Variants in ZNF433 observed in about 807,000 individuals in gnomAD.
ZNF433 encodes zinc finger protein 433.
In ZNF433, 12 loss-of-function variants were observed where a neutral mutation model predicts 10.6. That is an observed-to-expected ratio of 1.13 (90% CI 0.72 to 1.83). The LOEUF is 1.83. Among genes scored for constraint, ZNF433 ranks in the 40% most tolerant of loss-of-function variants. The pLI, the probability that ZNF433 is intolerant of heterozygous loss-of-function variation, is 0.00. For missense variants in ZNF433, 737 were observed against 798.0 expected (o/e 0.92, Z 0.92); for synonymous variants, 272 against 271.3 (o/e 1.00, Z -0.02).
intron 1 of ZNF433, chr19:12,024,287 C>G (rs191019379): frequency 1.3e-5 from 2 of 152,310 alleles, no homozygotes; most frequent in African/African-American, 4.8e-5. Context: ...AAAAAATTGG[C>G]CTTTAATTGT....
Position 12,015,028 on chromosome 19 carries a change from A to G in ZNF433, c.1830T>C (p.Thr610=), listed in dbSNP as rs1568326114. 1.9e-6 allele frequency: 3 copies of G among 1,614,064 alleles called. No individual in the cohort carries two copies. Among genetic ancestry groups the G allele is most frequent in the Non-Finnish European group, 2.5e-6 (3 of 1,179,992 alleles). The change falls in exon 4 of 4, where the codon ACT becomes ACC. Residue 610 remains threonine (T), a synonymous_variant. Transcript: ENST00000550507. ...GCTTACATTTATACGGTTTCTCTCC[A>G]GTGTGAGTCCTTCCATGCATTTGAA... ...SRLQMHGRTH[T]GEKPYKCKQC...
intron 3 of ZNF433, 76 bp downstream of exon 3, chr19:12,017,798 CTT>C (rs57013722): frequency 1.1e-3 from 866 of 756,590 alleles, no homozygotes; most frequent in Admixed American, 1.7e-3. Context: ...CTTTTGTTTC[CTT>C]TTTTTTTTTT....
At chr19:12,018,121 AC>A in intron 2 of ZNF433, 44 bp downstream of exon 2, 1 of 1,525,762 alleles carries the variant, frequency 6.6e-7, no homozygotes, top group Non-Finnish European at 8.7e-7. Flanking sequence ...AAAAAAAAAA[AC>A]TTGTTGTCTC....
In ZNF433 at chr19:12,018,275, C is replaced by T; in HGVS notation, c.21G>A (p.Glu7=). 1 of 1,613,388 alleles carries T rather than the reference C, an allele frequency of 6.2e-7. No homozygotes were observed. Among genetic ancestry groups the T allele is most frequent in the Non-Finnish European group, 8.5e-7 (1 of 1,179,788 alleles). The change falls in exon 2 of 4, where the codon GAG becomes GAA. Residue 7 remains glutamate, a synonymous_variant. Transcript: ENST00000550507. ...CTTGGGTGAAGGTCACAGCCACATC[C>T]TCAAAGGCCACTGAATCCTGAAACA... MDSVAF[E]DVAVTFTQEE...
At chr19:12,024,080 A>G (rs1468612211) in intron 1 of ZNF433, 8 of 152,172 alleles carry the variant, frequency 5.3e-5, no homozygotes, top group African/African-American at 1.9e-4. Flanking sequence ...GAAAAACTGG[A>G]GGCTTTAGGG....
At chr19:12,029,446 C>T (rs113264870) in intron 1 of ZNF433, among the ~76,000 whole-genome samples, 10,589 of 145,606 alleles carry the variant, frequency 0.073, 602 homozygotes, top group African/African-American at 0.17. Flanking sequence ...TACTTGAACC[C>T]GGGAGGCGGA....
intron 1 of ZNF433, among the ~76,000 whole-genome samples, chr19:12,031,816 G>A (rs2145486028): frequency 6.6e-6 from 1 of 150,682 alleles, no homozygotes; most frequent in South Asian, 2.1e-4. Flanking sequence ...AGCCCAGGAG[G>A]TCAAGGCTGT....
rs1187887639 is a variant in ZNF433 at position 12,015,662 on chromosome 19, G to A, written c.1196C>T (p.Ala399Val). 1 of 1,613,858 alleles carries A rather than the reference G, an allele frequency of 6.2e-7. No individual in the cohort carries two copies. Among genetic ancestry groups the A allele is most frequent in the African/African-American group, 1.3e-5 (1 of 74,938 alleles). ...TCGGAAGGAACTGGAAGAATTAAAG[G>A]CTTTACCACATTGGTTGCATTTATA... ...KPYKCNQCGK[A>V]FNSSSSFRYH... is the part of the protein sequence containing the mutation. Residue 399 changes from alanine to valine, a missense_variant, in exon 4 of 4, where the codon GCC becomes GTC. Transcript: ENST00000550507.
At chr19:12,034,559 T>TA (rs1261145091) in intron 1 of ZNF433, 3 of 272,092 alleles carry the variant, frequency 1.1e-5, no homozygotes, top group African/African-American at 6.6e-5. Flanking sequence ...GAAACCAAAT[T>TA]ACAAACAAGA....
intron 1 of ZNF433, chr19:12,028,019 T>C (rs907258434): frequency 2.0e-5 from 3 of 152,276 alleles, no homozygotes; most frequent in Non-Finnish European, 2.9e-5. Flanking sequence ...CATGACCATA[T>C]ACTCTTTTAT....
chr19:12,021,679 C>T (rs1974500456), intron 1 of ZNF433, among the ~76,000 whole-genome samples: 1 of 152,066 alleles, frequency 6.6e-6, no homozygotes, highest in Non-Finnish European at 1.5e-5. Context: ...AACACATTTT[C>T]AATACAATCT....
At chr19:12,020,650 C>T (rs1180094415) in intron 1 of ZNF433, among the ~76,000 whole-genome samples, 3 of 152,072 alleles carry the variant, frequency 2.0e-5, no homozygotes, top group Non-Finnish European at 4.4e-5. Context: ...AGCGCGGTGG[C>T]TCACGCCTGT....
At position 12,015,791 on chromosome 19, in the gene ZNF433, A is replaced by T. The variant is rs369609553; in HGVS notation, c.1067T>A (p.Met356Lys). The T allele has an allele frequency of 1.5e-5, 24 of 1,613,830 alleles. No individual in the cohort carries two copies. The African/African-American group carries it at 3.2e-4, about 22-fold the overall frequency. The change falls in exon 4 of 4, where the codon ATG (methionine) becomes AAG (lysine). Residue 356 changes from methionine to lysine, a missense_variant. By Grantham distance (95) the Met-to-Lys change is moderately conservative. Transcript: ENST00000550507. ...YLTSFQNHLG[M>K]HTGEISHKCK... The stretch of plus-strand genomic sequence containing the variant: ...TTTATGAGATATCTCTCCAGTGTGC[A>T]TTCCCAAGTGGTTTTGAAAGCTGGT...
intron 1 of ZNF433, among the ~76,000 whole-genome samples, chr19:12,031,317 A>AAAAAAAAAAAAAC (rs1568342004): frequency 1.7e-4 from 20 of 116,972 alleles, no homozygotes; most frequent in African/African-American, 5.7e-4. Context: ...AAAACAAAAC[A>AAAAAAAAAAAAAC]AAAAAAAAAA....
At chr19:12,032,241 A>G (rs988133933) in intron 1 of ZNF433, among the ~76,000 whole-genome samples, 1 of 151,820 alleles carries the variant, frequency 6.6e-6, no homozygotes, top group African/African-American at 2.4e-5. Context: ...CCTGGCCAGA[A>G]CTGATATTTT....
chr19:12,033,659 A>G (rs1192358093), intron 1 of ZNF433, among the ~76,000 whole-genome samples: 1 of 151,832 alleles, frequency 6.6e-6, no homozygotes, highest in Non-Finnish European at 1.5e-5. Context: ...CGTCTCTACT[A>G]AAAATACAAA....
chr19:12,020,511 C>G (rs1020536869), intron 1 of ZNF433, among the ~76,000 whole-genome samples: 1 of 152,124 alleles, frequency 6.6e-6, no homozygotes, highest in African/African-American at 2.4e-5. Context: ...AATACTGCAG[C>G]TGTTTCAAGT....
chr19:12,029,578 G>A (rs1363003286), intron 1 of ZNF433, among the ~76,000 whole-genome samples: 1 of 147,110 alleles, frequency 6.8e-6, no homozygotes, highest in East Asian at 2.0e-4. Flanking sequence ...ATATGACTAA[G>A]GGATGTTAAT....
chr19:12,035,378 A>G (rs1169517845), intron 1 of ZNF433, among the ~76,000 whole-genome samples, 159 bp downstream of exon 1: 1 of 152,044 alleles, frequency 6.6e-6, no homozygotes, highest in African/African-American at 2.4e-5. Context: ...GCCCAGCCCC[A>G]CTGTGGGGCC....
Sources: gnomAD v4.1 joint callset for allele counts (sites outside exome capture counted in the v4.1 genomes callset) on GRCh38, gnomAD v4.1.1 for gene constraint, MANE v1.5 for transcripts, NCBI Gene and HGNC (gene_info 2026-07-23, HGNC 2026-07-21) for gene names.